ERC2: variants seen among roughly 807,000 people sequenced by gnomAD.
The protein encoded by ERC2 is ERC protein 2.
ERC2 carries 42 observed loss-of-function variants against 114.8 expected under a neutral mutation model. The ratio of observed to expected loss-of-function variants is 0.37; its 90% CI spans 0.29 to 0.47. The LOEUF (loss-of-function observed/expected upper bound fraction) is 0.47. ERC2 is among the 20% of genes least tolerant of loss of function. The pLI, the probability that ERC2 is intolerant of heterozygous loss-of-function variation, is 0.99. For missense variants in ERC2, 939 were observed against 1,150.7 expected, an observed-to-expected ratio of 0.82 and a Z score of 2.66; for synonymous variants, 454 against 425.5, an observed-to-expected ratio of 1.07 and a Z score of -0.82.
chr3:56,332,563 A>T (rs1477791705), intron 2 of ERC2, among the ~76,000 whole-genome samples: 1 of 152,152 alleles, frequency 6.6e-6, no homozygotes, highest in Non-Finnish European at 1.5e-5. Flanking sequence ...CTGATTTCAC[A>T]TCAGGAATTG....
At chr3:55,553,427 C>A (rs892582647) in intron 17 of ERC2, among the ~76,000 whole-genome samples, 4 of 152,076 alleles carry the variant, frequency 2.6e-5, no homozygotes, top group Admixed American at 6.6e-5. Flanking sequence ...TTCACAAGAG[C>A]CCCATGAGAA....
At chr3:56,393,279 TC>T (rs2060192683) in intron 2 of ERC2, among the ~76,000 whole-genome samples, 1 of 152,136 alleles carries the variant, frequency 6.6e-6, no homozygotes, top group Admixed American at 6.5e-5. Context: ...ATGCCTGTAA[TC>T]CTAGCTACTC....
chr3:56,195,898 GAATCCT>G (rs2048072575), intron 3 of ERC2, among the ~76,000 whole-genome samples: 3 of 151,994 alleles, frequency 2.0e-5, no homozygotes, highest in Admixed American at 2.0e-4. Context: ...ACTTAACATT[GAATCCT>G]AATAACCTGA....
At chr3:56,040,001 A>G (rs1477336555) in intron 7 of ERC2, among the ~76,000 whole-genome samples, 1 of 152,210 alleles carries the variant, frequency 6.6e-6, no homozygotes, top group Non-Finnish European at 1.5e-5. Flanking sequence ...ACTAAAATAG[A>G]TTAAAGACTT....
intron 4 of ERC2, among the ~76,000 whole-genome samples, chr3:56,157,063 G>T (rs2081766403): frequency 6.6e-6 from 1 of 152,110 alleles, no homozygotes; most frequent in Non-Finnish European, 1.5e-5. Context: ...CATTTAACAG[G>T]TCAGAAGACT....
intron 2 of ERC2, among the ~76,000 whole-genome samples, chr3:56,332,769 AT>A (rs2057682906): frequency 6.6e-6 from 1 of 151,962 alleles, no homozygotes; most frequent in African/African-American, 2.4e-5. Flanking sequence ...TTCTAATCAG[AT>A]TTTTCTGCTT....
intron 14 of ERC2, among the ~76,000 whole-genome samples, chr3:55,804,712 G>A (rs13069069): frequency 0.088 from 13,374 of 152,038 alleles, 810 homozygotes; most frequent in Non-Finnish European, 0.13. Flanking sequence ...ACAGAATCCA[G>A]GGACCTTCCA....
chr3:56,440,069 T>C (rs1313712033), intron 1 of ERC2, among the ~76,000 whole-genome samples: 2 of 152,250 alleles, frequency 1.3e-5, no homozygotes, highest in African/African-American at 4.8e-5. Flanking sequence ...ATTGGCTTAT[T>C]AGTTTTTCTT....
In ERC2 at chr3:55,954,081, T is replaced by TAAAAA. The variant is rs58512381; in HGVS notation, c.2268-3526_2268-3522dup. On this transcript the variant is annotated intron_variant, in intron 12 of 17. Coordinates refer to ENST00000288221, the MANE Select transcript of ERC2 (RefSeq NM_015576.3). Reference sequence around the variant, plus strand: ...CAAGAGACTGACTTGCTCCATTATTTAAAAAAAAAAAAAAAAAAAAAAAAA... The same window carrying TAAAAA: ...CAAGAGACTGACTTGCTCCATTATTTAAAAAAAAAAAAAAAAAAAAAAAAAAAAAA... Among the ~76,000 whole-genome samples, 44 of 50,360 alleles carry TAAAAA rather than the reference T, an allele frequency of 8.7e-4. 1 individual carries two copies. The highest frequency in any genetic ancestry group is 3.6e-3 in the African/African-American group (42 of 11,716). 33.0% of individuals were successfully genotyped at this position (50,360 alleles called of 152,430 possible).
intron 9 of ERC2, among the ~76,000 whole-genome samples, chr3:56,009,608 G>C (rs1413691623): frequency 6.6e-6 from 1 of 152,168 alleles, no homozygotes; most frequent in African/African-American, 2.4e-5. Context: ...AAGATGGACA[G>C]TTACAGCAGA....
intron 3 of ERC2, among the ~76,000 whole-genome samples, chr3:56,288,419 A>G (rs1352607725): frequency 6.6e-6 from 1 of 151,796 alleles, no homozygotes; most frequent in African/African-American, 2.4e-5. Flanking sequence ...CACACCCCCA[A>G]CCCTGTCACT....
chr3:55,804,910 C>T (rs1360953926), intron 14 of ERC2, among the ~76,000 whole-genome samples: 1 of 151,936 alleles, frequency 6.6e-6, no homozygotes, highest in Non-Finnish European at 1.5e-5. Context: ...CACTGGTCTT[C>T]CACTTGAAGT....
intron 16 of ERC2, among the ~76,000 whole-genome samples, chr3:55,695,607 G>T (rs192672304): frequency 1.3e-5 from 2 of 152,212 alleles, no homozygotes; most frequent in Admixed American, 6.5e-5. Flanking sequence ...TTATTGGTGG[G>T]ATCACTCTTT....
chr3:56,172,898 T>C (rs2082753036), intron 4 of ERC2, among the ~76,000 whole-genome samples: 1 of 152,220 alleles, frequency 6.6e-6, no homozygotes, highest in South Asian at 2.1e-4. Context: ...TCTCTATGCC[T>C]GCACAGCTAA....
intron 6 of ERC2, among the ~76,000 whole-genome samples, chr3:56,108,577 C>G (rs1163736450): frequency 6.6e-6 from 1 of 151,950 alleles, no homozygotes; most frequent in Admixed American, 6.6e-5. Context: ...ACTTAATAAG[C>G]ATCATAAAAA....
intron 14 of ERC2, among the ~76,000 whole-genome samples, chr3:55,744,820 G>A (rs1261782311): frequency 2.0e-5 from 3 of 152,178 alleles, no homozygotes; most frequent in Admixed American, 1.3e-4. Context: ...AAAACTCCAA[G>A]AACCTGGACA....
intron 3 of ERC2, among the ~76,000 whole-genome samples, chr3:56,252,592 TA>T (rs1361871089): frequency 3.3e-5 from 5 of 151,816 alleles, no homozygotes; most frequent in African/African-American, 1.2e-4. Context: ...CCGTCTCTAC[TA>T]AAAATGCAAA....
intron 14 of ERC2, among the ~76,000 whole-genome samples, chr3:55,823,701 C>T (rs907275082): frequency 2.6e-5 from 4 of 152,196 alleles, no homozygotes; most frequent in Admixed American, 2.6e-4. Context: ...ACTTACTAAA[C>T]TCATTTTTTC....
chr3:55,888,355 G>A (rs773120690), intron 14 of ERC2, 34 bp downstream of exon 14: 1 of 1,612,332 alleles, frequency 6.2e-7, no homozygotes. Context: ...GAGGCTAGAA[G>A]AGAGAGGCTA....
Sources: allele counts gnomAD v4.1 joint callset (sites outside exome capture counted in the v4.1 genomes callset), GRCh38; gene constraint gnomAD v4.1.1; transcripts MANE v1.5; gene names NCBI Gene and HGNC (gene_info 2026-07-23, HGNC 2026-07-21).